ARHGEF18: variants seen among roughly 807,000 people sequenced by gnomAD.
ARHGEF18 encodes rho guanine nucleotide exchange factor 18.
Under a neutral mutation model 155.7 loss-of-function variants are expected in ARHGEF18, and 93 were observed. The ratio of observed to expected loss-of-function variants is 0.60; its 90% confidence interval spans 0.50 to 0.71. The LOEUF is 0.71. Ranked by LOEUF, ARHGEF18 falls within the 30% of genes least tolerant of loss-of-function variation. The pLI is 0.00. For missense variants in ARHGEF18, 1,593 were observed against 1,816.1 expected (o/e 0.88, Z 2.23); for synonymous variants, 742 against 753.1 (o/e 0.99, Z 0.24).
At position 7,362,879 on chromosome 19, in the gene ARHGEF18, T is replaced by C; in HGVS notation, c.-12T>C. 1 of 1,234,316 alleles carries C rather than the reference T, an allele frequency of 8.1e-7. No individual in the cohort carries two copies. The highest frequency in any genetic ancestry group is 1.0e-6 in the Non-Finnish European group (1 of 988,160). 76.5% of individuals were successfully genotyped at this position (1,234,316 alleles called of 1,614,324 possible). ...ATCCTGGAAACCTGAGAACCCAGAC[T>C]TCTTCTCTGCCATGGGGGATGATCA... On this transcript the variant is annotated 5_prime_UTR_variant, in exon 2 of 29. Transcript: ENST00000668164.
chr19:7,401,120 A>C (rs1972002447), intron 10 of ARHGEF18, among the ~76,000 whole-genome samples: 1 of 152,186 alleles, frequency 6.6e-6, no homozygotes, highest in African/African-American at 2.4e-5. Flanking sequence ...TGAAATGGAT[A>C]GTGACGGACC....
downstream of ARHGEF18, among the ~76,000 whole-genome samples, chr19:7,474,754 A>AGAGTGTGTGTGTGTGTGTGTGTGTGTGT (rs1555733264): frequency 1.4e-5 from 2 of 141,970 alleles, no homozygotes; most frequent in African/African-American, 5.5e-5. Context: ...TGGGCATTGG[A>AGAGTGTGTGTGTGTGTGTGTGTGTGTGT]GTGTGTGTGT....
chr19:7,378,211 C>T (rs758328900), intron 5 of ARHGEF18, among the ~76,000 whole-genome samples, 183 bp from the exon 6 acceptor site: 1 of 152,172 alleles, frequency 6.6e-6, no homozygotes, highest in African/African-American at 2.4e-5. Flanking sequence ...ACACTGGGGA[C>T]ACCTGCGTTT....
chr19:7,439,328 C>T (rs892628685), intron 10 of ARHGEF18, among the ~76,000 whole-genome samples: 2 of 151,402 alleles, frequency 1.3e-5, no homozygotes, highest in Admixed American at 1.3e-4. Context: ...ATACAGCACA[C>T]CTGTAGTCCC....
At chr19:7,437,635 A>ATTTCTCTTTT (rs1555719885) in intron 10 of ARHGEF18, among the ~76,000 whole-genome samples, 1 of 147,552 alleles carries the variant, frequency 6.8e-6, no homozygotes, top group African/African-American at 2.5e-5. Context: ...GACAGATCAG[A>ATTTCTCTTTT]TTTCTTTTTT....
rs142342720 is a variant in ARHGEF18, at chr19:7,406,579, C to CA, written c.967+23382dup. ...AAAAGTGTTATAGATTCAGAGAGGG[C>CA]AAAAAACAAAGCTGTACCAGCTGCC... On this transcript the variant is annotated intron_variant, in intron 10 of 28. Coordinates refer to ENST00000668164, the MANE Select transcript of ARHGEF18 (RefSeq NM_001367823.1). Among the ~76,000 whole-genome samples, 690 of 152,188 alleles carry CA rather than the reference C, an allele frequency of 4.5e-3. 8 individuals are homozygous for CA. The highest frequency in any genetic ancestry group is 0.012 in the African/African-American group (486 of 41,538).
intron 10 of ARHGEF18, among the ~76,000 whole-genome samples, chr19:7,415,390 C>T (rs373767104): frequency 6.6e-6 from 1 of 152,118 alleles, no homozygotes; most frequent in Non-Finnish European, 1.5e-5. Flanking sequence ...CTGCCACTCT[C>T]CACCCTGCCC....
chr19:7,386,308 A>G (rs1262332183), intron 10 of ARHGEF18, among the ~76,000 whole-genome samples: 1 of 151,544 alleles, frequency 6.6e-6, no homozygotes, highest in Non-Finnish European at 1.5e-5. Context: ...GAGTTTGTCA[A>G]CCTCAGCACT....
intron 2 of ARHGEF18, among the ~76,000 whole-genome samples, chr19:7,363,240 G>A (rs964484232): frequency 4.0e-5 from 6 of 151,476 alleles, no homozygotes; most frequent in South Asian, 2.1e-4. Flanking sequence ...GGATGGATAC[G>A]TGGATGAATA....
chr19:7,377,108 T>C (rs1295114408), intron 5 of ARHGEF18, among the ~76,000 whole-genome samples: 1 of 151,942 alleles, frequency 6.6e-6, no homozygotes, highest in Non-Finnish European at 1.5e-5. Flanking sequence ...TCTTGCTCTG[T>C]CGCCCAGGCT....
intron 10 of ARHGEF18, among the ~76,000 whole-genome samples, chr19:7,389,040 C>T (rs940417666): frequency 2.0e-5 from 3 of 151,914 alleles, no homozygotes; most frequent in Non-Finnish European, 2.9e-5. Context: ...GGCTGGAGTG[C>T]GGTGGCACGA....
At chr19:7,416,394 G>C (rs375256597) in intron 10 of ARHGEF18, among the ~76,000 whole-genome samples, 2 of 152,032 alleles carry the variant, frequency 1.3e-5, no homozygotes, top group Non-Finnish European at 2.9e-5. Flanking sequence ...AGCCTGGGCA[G>C]CAGAGACCTC....
chr19:7,473,680 G>C (rs535496743), downstream of ARHGEF18, among the ~76,000 whole-genome samples: 19 of 151,476 alleles, frequency 1.3e-4, no homozygotes, highest in South Asian at 6.3e-4. Context: ...CGTGGTGGCG[G>C]GCGCCTGTAG....
At chr19:7,388,122 A>T (rs1971186573) in intron 10 of ARHGEF18, among the ~76,000 whole-genome samples, 1 of 152,120 alleles carries the variant, frequency 6.6e-6, no homozygotes, top group African/African-American at 2.4e-5. Flanking sequence ...GAGCAATGAG[A>T]GTTCCAACAG....
Position 7,442,003 on chromosome 19 carries a change from C to T in ARHGEF18, c.1311C>T (p.Tyr437=), listed in dbSNP as rs143912880. Residue 437 remains tyrosine, a synonymous_variant, in exon 13 of 29, where the codon TAC becomes TAT. Transcript: ENST00000668164. The part of the protein sequence containing the change: ...ESWSLAVDAA[Y]AKKQKREVVK... ...GGAGCCTCGCCGTGGATGCAGCCTA[C>T]GCCAAGAAGCAAAAGAGGGAGGTGG... 5.8e-5 allele frequency: 93 copies of T among 1,614,058 alleles called. No individual in the cohort carries two copies. Among genetic ancestry groups the T allele is most frequent in the Admixed American group, 1.3e-4 (8 of 59,990 alleles).
At chr19:7,450,773 C>T (rs80223435) in intron 15 of ARHGEF18, among the ~76,000 whole-genome samples, 354 of 1,194 alleles carry the variant, frequency 0.3, 31 homozygotes, top group African/African-American at 0.48. Flanking sequence ...TCCGTTTCCA[C>T]GGTGTTAATG....
intron 10 of ARHGEF18, among the ~76,000 whole-genome samples, chr19:7,435,891 T>C (rs117675781): frequency 1.3e-5 from 2 of 152,120 alleles, no homozygotes; most frequent in Non-Finnish European, 2.9e-5. Flanking sequence ...TGGAGTGCAG[T>C]GGGGCAGTCA....
intron 10 of ARHGEF18, among the ~76,000 whole-genome samples, chr19:7,399,593 G>T (rs974932020): frequency 6.6e-6 from 1 of 151,256 alleles, no homozygotes; most frequent in Admixed American, 6.6e-5. Context: ...CCATTCTCCT[G>T]CCTCAGCCTA....
chr19:7,446,038 C>A (rs1974968507), intron 14 of ARHGEF18, among the ~76,000 whole-genome samples: 1 of 152,104 alleles, frequency 6.6e-6, no homozygotes, highest in African/African-American at 2.4e-5. Context: ...TTTTATTTCA[C>A]CTTTATGACA....
Sources: gnomAD v4.1 joint callset for allele counts (sites outside exome capture counted in the v4.1 genomes callset) on GRCh38, gnomAD v4.1.1 for gene constraint, MANE v1.5 for transcripts, NCBI Gene and HGNC (gene_info 2026-07-23, HGNC 2026-07-21) for gene names.